Variants in LRBA observed in about 807,000 individuals in gnomAD.
LRBA encodes LPS responsive beige-like anchor protein.
In LRBA, 176 loss-of-function variants were observed where a neutral mutation model predicts 330.0. The ratio of observed to expected loss-of-function variants is 0.53; its 90% CI spans 0.47 to 0.60. LRBA has a LOEUF of 0.60. Ranked by LOEUF, LRBA falls within the 20% of genes least tolerant of loss-of-function variation. LRBA has a pLI of 0.00. For synonymous variants in LRBA, 1,230 were observed against 1,193.0 expected (o/e 1.03, Z -0.64); for missense variants, 3,259 against 3,444.8 (o/e 0.95, Z 1.35).
At chr4:150,455,299 T>A (rs190294770) in intron 44 of LRBA, among the ~76,000 whole-genome samples, 263 of 152,198 alleles carry the variant, frequency 1.7e-3, no homozygotes, top group African/African-American at 6.0e-3. Flanking sequence ...CCCAAATGAC[T>A]ATAAATCATG....
rs977078890 is a variant in LRBA at position 150,264,607 on chromosome 4, G to GAAA, written c.*1112_*1114dup. ...TTTTAGAGAAGAGCTGAGTGTGTAG[G>GAAA]AAAAAAAGAGGGACCACTTGAAGTC... On this transcript the variant is annotated 3_prime_UTR_variant, in exon 57 of 57. Coordinates refer to ENST00000651943, the MANE Select transcript of LRBA (RefSeq NM_001364905.1). The GAAA allele has an allele frequency of 2.0e-5, 3 of 152,318 alleles. No homozygotes were observed. In the East Asian group the frequency reaches 5.8e-4, roughly 29 times the overall value. The allele number at this position is 152,318 out of a possible 1,614,324, so 9.4% of individuals were successfully genotyped here.
chr4:150,511,669 G>A (rs1761849801), intron 40 of LRBA, among the ~76,000 whole-genome samples: 1 of 152,196 alleles, frequency 6.6e-6, no homozygotes, highest in South Asian at 2.1e-4. Context: ...CAGGATCTAT[G>A]CTAAGTGATT....
chr4:150,974,544 C>A (rs888705418), intron 2 of LRBA, among the ~76,000 whole-genome samples: 1 of 152,128 alleles, frequency 6.6e-6, no homozygotes, highest in African/African-American at 2.4e-5. Flanking sequence ...AGTTGTACAA[C>A]TAAACAAGGA....
intron 17 of LRBA, among the ~76,000 whole-genome samples, chr4:150,876,404 A>G (rs983567227): frequency 2.6e-5 from 4 of 152,176 alleles, no homozygotes; most frequent in Non-Finnish European, 5.9e-5. Context: ...ACCACAGCAT[A>G]TAGTCACCAG....
intron 51 of LRBA, among the ~76,000 whole-genome samples, chr4:150,314,208 T>A (rs78426088): frequency 0.036 from 5,497 of 152,186 alleles, 246 homozygotes; most frequent in African/African-American, 0.097. Flanking sequence ...AATTCAGAAA[T>A]AATGCTTTAA....
intron 44 of LRBA, among the ~76,000 whole-genome samples, chr4:150,466,036 C>G (rs991582752): frequency 6.6e-6 from 1 of 151,926 alleles, no homozygotes; most frequent in Non-Finnish European, 1.5e-5. Flanking sequence ...ACAGCAAAAG[C>G]ACAAGAGGTG....
At chr4:150,472,863 T>C (rs1318645850) in intron 42 of LRBA, among the ~76,000 whole-genome samples, 5 of 152,172 alleles carry the variant, frequency 3.3e-5, no homozygotes, top group Non-Finnish European at 5.9e-5. Flanking sequence ...CCACTGTATA[T>C]AGAATACAGC....
In LRBA at chr4:150,393,207, A is replaced by C. The variant is rs1744246259; in HGVS notation, c.7194+22231T>G. 2.0e-5 allele frequency among the ~76,000 whole-genome samples: 3 copies of C among 152,056 alleles called. No homozygotes were observed. The South Asian group carries it at 6.2e-4, about 32-fold the overall frequency. On this transcript the variant is annotated intron_variant, in intron 47 of 56. Coordinates refer to ENST00000651943, the MANE Select transcript of LRBA (RefSeq NM_001364905.1). ...GATGGTAAATACCTACAGGGTAGAG[A>C]TTATATATATTCATCTTTGTATTTT...
chr4:150,341,934 T>C (rs1404511077), intron 48 of LRBA, among the ~76,000 whole-genome samples: 1 of 151,462 alleles, frequency 6.6e-6, no homozygotes, highest in Non-Finnish European at 1.5e-5. Context: ...ACCATGCCTA[T>C]AGATATGATT....
chr4:150,953,765 G>C (rs1737140148), intron 2 of LRBA, among the ~76,000 whole-genome samples: 1 of 151,948 alleles, frequency 6.6e-6, no homozygotes, highest in Admixed American at 6.6e-5. Flanking sequence ...CAAGATTGCA[G>C]CCTCTGCCCG....
At chr4:150,352,575 A>G (rs1737322804) in intron 47 of LRBA, among the ~76,000 whole-genome samples, 2 of 152,230 alleles carry the variant, frequency 1.3e-5, no homozygotes, top group Admixed American at 1.3e-4. Flanking sequence ...TTAAACAGAT[A>G]TGACAGCACA....
At chr4:150,661,686 T>G (rs1051480194) in intron 37 of LRBA, among the ~76,000 whole-genome samples, 4 of 152,018 alleles carry the variant, frequency 2.6e-5, no homozygotes, top group Non-Finnish European at 5.9e-5. Flanking sequence ...TCTCAGCTCA[T>G]TGCAACCTCT....
chr4:150,411,575 C>T lies in LRBA; in HGVS notation c.7194+3863G>A, dbSNP rs111645833. Among the ~76,000 whole-genome samples, 1,294 of 152,244 alleles carry T rather than the reference C, an allele frequency of 8.5e-3. 16 individuals carry two copies. Among genetic ancestry groups the T allele is most frequent in the African/African-American group, 0.03 (1,231 of 41,536 alleles). On this transcript the variant is annotated intron_variant, in intron 47 of 56. Transcript: ENST00000651943. ...TTTGTTCCAGGAAGAGGGACAGCTG[C>T]AACACTATATCCCTGTTCAACCTGA... is the stretch of plus-strand genomic sequence containing the variant.
chr4:150,533,790 G>C lies in LRBA; in HGVS notation c.6331-42755C>G, dbSNP rs568164704. Among the ~76,000 whole-genome samples the C allele has an allele frequency of 5.9e-5, 9 of 152,232 alleles. No individual in the cohort carries two copies. The South Asian group carries it at 6.2e-4, about 11-fold the overall frequency. On this transcript the variant is annotated intron_variant, in intron 40 of 56. Transcript: ENST00000651943. ...CTTCCACTCAGACATTAGCTAATGA[G>C]TATTAATACTGAGTGCCTGAAATGA...
At position 150,848,885 on chromosome 4, in the gene LRBA, G is replaced by C. The variant is rs745724047; in HGVS notation, c.4272C>G (p.Gly1424=). 1.2e-6 allele frequency: 2 copies of C among 1,613,062 alleles called. No individual in the cohort carries two copies. The highest frequency in any genetic ancestry group is 3.3e-5 in the Admixed American group (2 of 59,866). The change falls in exon 26 of 57, where the codon GGC becomes GGG. Residue 1424 remains glycine, a synonymous_variant. Transcript: ENST00000651943. ...VDVLIFASSL[G]FTEIEAEKSM... ...TTTTTTCAGCTTCAATTTCAGTAAA[G>C]CCAAGAGAACTTGCAAATATAAGCA...
At chr4:150,685,389 T>A (rs1436888611) in intron 36 of LRBA, among the ~76,000 whole-genome samples, 1 of 8,608 alleles carries the variant, frequency 1.2e-4, no homozygotes, top group Non-Finnish European at 2.1e-4. Context: ...AGGAATCAAA[T>A]ATATATATAT....
At chr4:150,552,243 T>C (rs1029371543) in intron 40 of LRBA, among the ~76,000 whole-genome samples, 10 of 152,298 alleles carry the variant, frequency 6.6e-5, no homozygotes, top group African/African-American at 2.4e-4. Context: ...ATACAGTTTA[T>C]GCCAAGATCC....
At position 150,891,172 on chromosome 4, in the gene LRBA, C is replaced by T. The variant is rs368085883; in HGVS notation, c.2165+1880G>A. ...GTTTTGTGTTAATATGGCTATCATA[C>T]GACCTATCCATTACATTCCTAAGTA... On this transcript the variant is annotated intron_variant, in intron 17 of 56. Transcript: ENST00000651943. Among the ~76,000 whole-genome samples, 15 of 152,184 alleles carry T rather than the reference C, an allele frequency of 9.9e-5. No individual in the cohort carries two copies. In the South Asian group the frequency reaches 1.2e-3, roughly 13 times the overall value.
chr4:150,651,489 C>G (rs1581926553), intron 37 of LRBA, among the ~76,000 whole-genome samples: 1 of 152,200 alleles, frequency 6.6e-6, no homozygotes, highest in African/African-American at 2.4e-5. Context: ...TCTTTAAGCG[C>G]TACCACAGAG....
Sources: allele counts gnomAD v4.1 joint callset (sites outside exome capture counted in the v4.1 genomes callset), GRCh38; gene constraint gnomAD v4.1.1; transcripts MANE v1.5; gene names NCBI Gene and HGNC (gene_info 2026-07-23, HGNC 2026-07-21).